The following MPP7 variants were observed in gnomAD, a reference collection of about 807,000 sequenced individuals.
MPP7 encodes the protein MAGUK p55 subfamily member 7.
In MPP7, 60 loss-of-function variants were observed where a neutral mutation model predicts 76.5. The observed-to-expected ratio is 0.78, with a 90% CI of 0.64 to 0.97. The LOEUF (loss-of-function observed/expected upper bound fraction) is 0.97, where lower values mean the gene tolerates loss of function less well. Ranked by LOEUF, MPP7 falls within the 50% of genes least tolerant of loss-of-function variation. MPP7 has a pLI of 0.00. For missense variants in MPP7, 641 were observed against 694.0 expected (o/e 0.92, Z 0.86); for synonymous variants, 237 against 244.5 (o/e 0.97, Z 0.29).
At chr10:28,214,887 C>G (rs1838258159) in intron 2 of MPP7, among the ~76,000 whole-genome samples, 1 of 152,050 alleles carries the variant, frequency 6.6e-6, no homozygotes, top group African/African-American at 2.4e-5. Flanking sequence ...CCTCTGGTTC[C>G]AAGAGTCTGA....
At chr10:28,306,668 T>TGAGAGAGAGAG (rs1554869512), upstream of MPP7, among the ~76,000 whole-genome samples, 2 of 148,396 alleles carry the variant, frequency 1.3e-5, no homozygotes, top group African/African-American at 5.0e-5. Context: ...GATAGATAGA[T>TGAGAGAGAGAG]AGAGAGAGAG....
chr10:28,323,618 A>C (rs964706729), intron 2 of MPP7, among the ~76,000 whole-genome samples: 7 of 152,086 alleles, frequency 4.6e-5, no homozygotes, highest in Non-Finnish European at 7.4e-5. Flanking sequence ...GCTAAGGTGA[A>C]GGGATCACGT....
At chr10:28,057,462 C>T (rs1265813130) in intron 15 of MPP7, among the ~76,000 whole-genome samples, 2 of 152,114 alleles carry the variant, frequency 1.3e-5, no homozygotes, top group African/African-American at 4.8e-5. Context: ...CTCTCTTCCT[C>T]CTGCTCTGGC....
chr10:28,075,318 T>C (rs1413139180), intron 12 of MPP7, among the ~76,000 whole-genome samples: 1 of 151,824 alleles, frequency 6.6e-6, no homozygotes, highest in Non-Finnish European at 1.5e-5. Context: ...CCATCTAAGA[T>C]CAACCCATTG....
intron 1 of MPP7, among the ~76,000 whole-genome samples, chr10:28,254,022 A>G (rs1039157655): frequency 1.5e-4 from 22 of 149,192 alleles, no homozygotes; most frequent in African/African-American, 5.4e-4. Flanking sequence ...AAAAAAAAAA[A>G]AAAAAAAAAG....
At chr10:28,079,887 C>T (rs113247585) in intron 12 of MPP7, among the ~76,000 whole-genome samples, 5 of 151,852 alleles carry the variant, frequency 3.3e-5, no homozygotes, top group African/African-American at 2.4e-5. Flanking sequence ...TTAGGAAGGC[C>T]GAGGCGGGCG....
At chr10:28,262,518 G>T (rs1469025080) in intron 1 of MPP7, among the ~76,000 whole-genome samples, 1 of 151,798 alleles carries the variant, frequency 6.6e-6, no homozygotes, top group African/African-American at 2.4e-5. Context: ...AATATTTTAG[G>T]TTACTACACA....
chr10:28,270,078 C>T (rs972883868), intron 1 of MPP7, among the ~76,000 whole-genome samples: 1 of 152,196 alleles, frequency 6.6e-6, no homozygotes, highest in Non-Finnish European at 1.5e-5. Context: ...GACCGCATTA[C>T]GGCTTCACAT....
intron 3 of MPP7, among the ~76,000 whole-genome samples, chr10:28,158,507 T>TA (rs1836146452): frequency 6.6e-6 from 1 of 151,916 alleles, no homozygotes; most frequent in African/African-American, 2.4e-5. Context: ...AGAACAGGGG[T>TA]ACAGAGAAGA....
rs1439539276 is a variant in MPP7, at chr10:28,143,890, TGTGTGTGTGTGTGA to T, written c.315+3579_315+3592del. 3.3e-3 allele frequency among the ~76,000 whole-genome samples: 477 copies of T among 143,838 alleles called. 7 individuals carry two copies. The highest frequency in any genetic ancestry group is 0.021 in the South Asian group (91 of 4,400). The allele number at this position is 143,838 out of a possible 152,430, so 94.4% of individuals were successfully genotyped here. ...GTGTGTGTGTGTGTGTGTGTGTGTG[TGTGTGTGTGTGTGA>T]GACTGAGTTTCACTCTTTCACCCAG... On this transcript the variant is annotated intron_variant, in intron 5 of 16. Transcript: ENST00000683449.
intron 3 of MPP7, among the ~76,000 whole-genome samples, chr10:28,168,187 A>C (rs1836551383): frequency 6.6e-6 from 1 of 150,426 alleles, no homozygotes; most frequent in Non-Finnish European, 1.5e-5. Flanking sequence ...GTGAACCTAG[A>C]TCACACCACT....
chr10:28,197,181 C>CTTTT (rs11330044), intron 3 of MPP7, among the ~76,000 whole-genome samples: 2 of 115,250 alleles, frequency 1.7e-5, no homozygotes, highest in Non-Finnish European at 3.4e-5. Flanking sequence ...GAGCAACTTC[C>CTTTT]TTTTTTTTTT....
chr10:28,292,835 TGAGA>T (rs1168275412), intron 1 of MPP7, among the ~76,000 whole-genome samples: 2 of 149,894 alleles, frequency 1.3e-5, no homozygotes, highest in Non-Finnish European at 1.5e-5. Context: ...CCTAAAAAGG[TGAGA>T]GAGAGAGAAT....
chr10:28,239,299 C>A (rs1034020842), intron 1 of MPP7, among the ~76,000 whole-genome samples: 1 of 151,790 alleles, frequency 6.6e-6, no homozygotes, highest in African/African-American at 2.4e-5. Context: ...GGGCCCGCCA[C>A]CAAGCCTGGC....
At chr10:28,328,173 A>C (rs1834436190) in intron 2 of MPP7, among the ~76,000 whole-genome samples, 1 of 152,206 alleles carries the variant, frequency 6.6e-6, no homozygotes, top group Non-Finnish European at 1.5e-5. Context: ...TGATTTTTTT[A>C]AGAAAAAAAT....
At chr10:28,334,028 A>C (rs1254674806) in intron 1 of MPP7, among the ~76,000 whole-genome samples, 1 of 152,104 alleles carries the variant, frequency 6.6e-6, no homozygotes, top group Non-Finnish European at 1.5e-5. Flanking sequence ...CCTTGTCTCT[A>C]GTAAAACAAA....
chr10:28,142,970 A>G (rs2133736856), intron 5 of MPP7, among the ~76,000 whole-genome samples: 1 of 152,310 alleles, frequency 6.6e-6, no homozygotes, highest in East Asian at 1.9e-4. Context: ...AAAATCCTCT[A>G]ATATACAAAA....
chr10:28,305,903 C>A (rs1387730338), upstream of MPP7: 1 of 152,182 alleles, frequency 6.6e-6, no homozygotes, highest in Non-Finnish European at 1.5e-5. Context: ...ATTCCAGCAA[C>A]AAAAGACACT....
At chr10:28,265,153 G>A (rs1280029828) in intron 1 of MPP7, among the ~76,000 whole-genome samples, 2 of 152,154 alleles carry the variant, frequency 1.3e-5, no homozygotes, top group African/African-American at 4.8e-5. Context: ...TGTTGCTGCT[G>A]ATATTTTTAA....
Sources: gnomAD v4.1 joint callset for allele counts (sites outside exome capture counted in the v4.1 genomes callset) on GRCh38, gnomAD v4.1.1 for gene constraint, MANE v1.5 for transcripts, NCBI Gene and HGNC (gene_info 2026-07-23, HGNC 2026-07-21) for gene names.